EIF2AK4: variants seen among roughly 807,000 people sequenced by gnomAD.
The protein encoded by EIF2AK4 is eukaryotic translation initiation factor 2 alpha kinase 4.
EIF2AK4 carries 139 observed loss-of-function variants against 211.1 expected under a neutral mutation model. That is an observed-to-expected ratio of 0.66 (90% confidence interval 0.57 to 0.76). The LOEUF is 0.76. Ranked by LOEUF, EIF2AK4 falls within the 30% of genes least tolerant of loss-of-function variation. The pLI, the probability that EIF2AK4 is intolerant of heterozygous loss-of-function variation, is 0.00. For synonymous variants in EIF2AK4, 710 were observed against 751.3 expected (o/e 0.94, Z 0.90); for missense variants, 1,664 against 2,043.8 (o/e 0.81, Z 3.58).
intron 9 of EIF2AK4, among the ~76,000 whole-genome samples, chr15:39,970,654 T>G (rs2034611103): frequency 6.6e-6 from 1 of 152,136 alleles, no homozygotes; most frequent in South Asian, 2.1e-4. Flanking sequence ...CAATACTATT[T>G]TGTTTGGATG....
At position 39,959,928 on chromosome 15, in the gene EIF2AK4, C is replaced by T. The variant is rs376038416; in HGVS notation, c.744-1856C>T. ...CCTGTAATCCCAGCACTTTGGGAGG[C>T]CAAGGCGGGCAGATCACGAGGTCAG... On this transcript the variant is annotated intron_variant, in intron 6 of 38. Transcript: ENST00000263791. Among the ~76,000 whole-genome samples the T allele has an allele frequency of 4.3e-4, 66 of 152,170 alleles. No individual in the cohort carries two copies. The East Asian group carries it at 0.011, about 24-fold the overall frequency.
chr15:39,987,757 A>G (rs1011711902), intron 14 of EIF2AK4, among the ~76,000 whole-genome samples: 2 of 152,248 alleles, frequency 1.3e-5, no homozygotes, highest in Non-Finnish European at 2.9e-5. Flanking sequence ...GCAATAATAT[A>G]AAAAATTAAA....
At chr15:39,949,946 T>A (rs1289569293) in intron 4 of EIF2AK4, among the ~76,000 whole-genome samples, 1 of 151,980 alleles carries the variant, frequency 6.6e-6, no homozygotes, top group Non-Finnish European at 1.5e-5. Context: ...CTTGTCTTAT[T>A]TTTAAAATCT....
chr15:40,005,577 TA>T lies in EIF2AK4; in HGVS notation c.3358-1438del, dbSNP rs1274048603. ...TGTGTCTGCATGTACTTTTTTGTTTTATTTTTTTTTTTGAGATGGAGTCTCA... is the reference window on the plus strand; with the variant it reads ...TGTGTCTGCATGTACTTTTTTGTTTTTTTTTTTTTTTGAGATGGAGTCTCA... On this transcript the variant is annotated intron_variant, in intron 23 of 38. Transcript: ENST00000263791. 1.2e-3 allele frequency among the ~76,000 whole-genome samples: 176 copies of T among 151,852 alleles called. 1 individual carries two copies. The highest frequency in any genetic ancestry group is 3.9e-3 in the African/African-American group (161 of 41,438).
chr15:40,016,415 C>T, intron 27 of EIF2AK4, 87 bp from the exon 28 acceptor site: 10 of 1,505,708 alleles, frequency 6.6e-6, no homozygotes, highest in East Asian at 2.3e-5. Context: ...CCCATGTGCT[C>T]CTGCTCCTGC....
intron 9 of EIF2AK4, among the ~76,000 whole-genome samples, chr15:39,970,564 T>TC (rs2034609505): frequency 6.6e-6 from 1 of 152,098 alleles, no homozygotes; most frequent in Non-Finnish European, 1.5e-5. Flanking sequence ...TAGAAAGAGC[T>TC]CCAAGACACA....
Position 40,016,543 on chromosome 15 carries a change from G to T in EIF2AK4, c.3801G>T (p.Leu1267Phe). The stretch of plus-strand genomic sequence containing the variant: ...AGTTTATTGAACAGAAGGGAGATTT[G>T]CAAGATCTTATGCCAACAATAAATT... ...LYKFIEQKGD[L>F]QDLMPTINSL... The change falls in exon 28 of 39, where the codon TTG (leucine) becomes TTT (phenylalanine). Residue 1267 changes from leucine to phenylalanine, a missense_variant. Physicochemically the swap from Leu to Phe is conservative, Grantham distance 22. Transcript: ENST00000263791. 1.9e-6 allele frequency: 3 copies of T among 1,614,188 alleles called. No individual in the cohort carries two copies. Among genetic ancestry groups the T allele is most frequent in the African/African-American group, 2.7e-5 (2 of 75,052 alleles).
intron 9 of EIF2AK4, among the ~76,000 whole-genome samples, chr15:39,970,248 G>C (rs1055474110): frequency 6.6e-6 from 1 of 152,122 alleles, no homozygotes; most frequent in African/African-American, 2.4e-5. Context: ...TTGATTCAGA[G>C]AAGTTCATTT....
At chr15:39,956,151 A>G (rs1027193084) in intron 6 of EIF2AK4, among the ~76,000 whole-genome samples, 4 of 151,886 alleles carry the variant, frequency 2.6e-5, no homozygotes, top group Admixed American at 6.6e-5. Flanking sequence ...GACTACAGGC[A>G]TGTGCCACCA....
At position 40,016,603 on chromosome 15, in the gene EIF2AK4, G is replaced by A. The variant is rs1387002977; in HGVS notation, c.3861G>A (p.Leu1287=). 1 of 1,614,218 alleles carries A rather than the reference G, an allele frequency of 6.2e-7. No homozygotes were observed. The highest frequency in any genetic ancestry group is 8.5e-7 in the Non-Finnish European group (1 of 1,180,032). The part of the protein sequence containing the change: ...LIKQKTGIAQ[L]VKYGLKDLEE... ...AACAGAAAACAGGTATTGCACAGTT[G>A]GTGAAGTATGGCTTAAAAGACCTAG... The change falls in exon 28 of 39, where the codon TTG becomes TTA. Residue 1287 remains leucine (L), a synonymous_variant. Transcript: ENST00000263791.
chr15:39,978,038 G>T, intron 12 of EIF2AK4, 40 bp from the exon 13 acceptor site: 1 of 1,407,354 alleles, frequency 7.1e-7, no homozygotes, highest in South Asian at 1.2e-5. Flanking sequence ...ATGATAATAG[G>T]GATTTCTGTT....
chr15:40,030,222 A>G lies in EIF2AK4; in HGVS notation c.4562-137A>G, dbSNP rs1054951701. 3 of 845,674 alleles carry G rather than the reference A, an allele frequency of 3.5e-6. No homozygotes were observed. The African/African-American group carries it at 5.1e-5, about 14-fold the overall frequency. The allele number at this position is 845,674 out of a possible 1,614,324, so 52.4% of individuals were successfully genotyped here. On this transcript the variant is annotated intron_variant, in intron 34 of 38. Transcript: ENST00000263791. Reference sequence around the variant, plus strand: ...CCGGTGCAGATGGTTGTAGGGATAGAAAACACAGCCCAGTCGTGATCTAGC... The same window carrying G: ...CCGGTGCAGATGGTTGTAGGGATAGGAAACACAGCCCAGTCGTGATCTAGC...
At chr15:40,017,005 A>G in intron 28 of EIF2AK4, 103 bp from the exon 29 acceptor site, 1 of 1,439,476 alleles carries the variant, frequency 6.9e-7, no homozygotes, top group Non-Finnish European at 9.6e-7. Context: ...TATGCTAAAT[A>G]GATTGTTCTG....
At chr15:40,019,259 G>T (rs2035351437) in intron 30 of EIF2AK4, 59 bp downstream of exon 30, 1 of 1,372,874 alleles carries the variant, frequency 7.3e-7, no homozygotes, top group East Asian at 2.6e-5. Flanking sequence ...CTAAAAGTAT[G>T]ATTTGCCTTT....
rs2035596932 is a variant in EIF2AK4 at position 40,035,032 on chromosome 15, C to A, written c.4898C>A (p.Ser1633Tyr). The A allele has an allele frequency of 6.3e-7, 1 of 1,580,198 alleles. No homozygotes were observed. Residue 1633 changes from serine (S) to tyrosine (Y), a missense_variant, in exon 39 of 39, where the codon TCT becomes TAT. By Grantham distance (144) the Ser-to-Tyr change is moderately radical. Around this residue, in one of 7 missense-constraint regions of EIF2AK4, gnomAD observed 138 missense variants for 165.1 expected, o/e 0.84. Transcript: ENST00000263791. ...TCTTTTCTTTTCTTTTGCAGGGTGT[C>A]TGTGCTATTTCTGTACAGCTATAGA... ...IYNIKVEKKV[S>Y]VLFLYSYRDD...
Position 40,017,501 on chromosome 15 carries a change from CTATATATATATATATATATATA to C in EIF2AK4, c.4065+291_4065+312del, listed in dbSNP as rs202237104. ...GGCTCATGTACCCTTTACTCTGTTT[CTATATATATATATATATATATA>C]TATATATATATATATATATATATAT... is the stretch of plus-strand genomic sequence containing the variant. On this transcript the variant is annotated intron_variant, in intron 29 of 38. Coordinates refer to ENST00000263791, the MANE Select transcript of EIF2AK4 (RefSeq NM_001013703.4). Among the ~76,000 whole-genome samples the C allele has an allele frequency of 6.0e-3, 156 of 26,126 alleles. 7 individuals are homozygous for C. The highest frequency in any genetic ancestry group is 8.6e-3 in the Admixed American group (19 of 2,212). 17.1% of individuals were successfully genotyped at this position (26,126 alleles called of 152,430 possible).
rs376877634 is a variant in EIF2AK4 at position 39,972,904 on chromosome 15, C to T, written c.1554-4C>T. The T allele has an allele frequency of 2.2e-5, 36 of 1,612,552 alleles. No individual in the cohort carries two copies. The highest frequency in any genetic ancestry group is 3.3e-4 in the Middle Eastern group (2 of 6,078). On this transcript the variant is annotated splice_polypyrimidine_tract_variant and splice_region_variant and intron_variant, in intron 9 of 38. Coordinates refer to ENST00000263791, the MANE Select transcript of EIF2AK4 (RefSeq NM_001013703.4). ...GCTAAGATTCTTCCTTCCCTCTCAC[C>T]GAGATGTGTGTGCTTGGATGACAAG...
intron 3 of EIF2AK4, among the ~76,000 whole-genome samples, chr15:39,945,639 T>A (rs1190562355): frequency 1.3e-5 from 2 of 152,248 alleles, no homozygotes; most frequent in Non-Finnish European, 2.9e-5. Context: ...ATTTTCAGTG[T>A]AGATGAAACA....
At chr15:39,982,995 G>A (rs569108242) in intron 13 of EIF2AK4, among the ~76,000 whole-genome samples, 65 of 152,282 alleles carry the variant, frequency 4.3e-4, no homozygotes, top group Non-Finnish European at 5.7e-4. Flanking sequence ...GAATAGTGCC[G>A]CAATAAACAT....
Sources: gnomAD v4.1 joint callset for allele counts (sites outside exome capture counted in the v4.1 genomes callset) on GRCh38, gnomAD v4.1.1 for gene constraint, gnomAD v4.1.1 regional missense constraint, MANE v1.5 for transcripts, NCBI Gene and HGNC (gene_info 2026-07-23, HGNC 2026-07-21) for gene names.